The following UBASH3A variants were observed in gnomAD, a reference collection of about 807,000 sequenced individuals.
UBASH3A encodes the protein ubiquitin associated and SH3 domain containing A, also known as ubiquitin-associated and SH3 domain-containing protein A.
UBASH3A carries 63 observed loss-of-function variants against 73.5 expected under a neutral mutation model. The observed-to-expected ratio is 0.86, with a 90% confidence interval of 0.70 to 1.06. The LOEUF (loss-of-function observed/expected upper bound fraction) is 1.06. Ranked by LOEUF, UBASH3A falls within the 50% of genes least tolerant of loss-of-function variation. UBASH3A has a pLI of 0.00. For synonymous variants in UBASH3A, 363 were observed against 351.1 expected, an observed-to-expected ratio of 1.03 and a Z score of -0.38; for missense variants, 860 against 859.0, an observed-to-expected ratio of 1.00 and a Z score of -0.02.
chr21:42,440,671 G>T (rs564651129), intron 11 of UBASH3A, among the ~76,000 whole-genome samples: 1 of 152,224 alleles, frequency 6.6e-6, no homozygotes, highest in East Asian at 1.9e-4. Context: ...TCCCCAGGTC[G>T]CCTGTGCCTG....
intron 11 of UBASH3A, among the ~76,000 whole-genome samples, chr21:42,439,156 CTCA>C (rs1316802807): frequency 6.6e-6 from 1 of 152,210 alleles, no homozygotes; most frequent in Non-Finnish European, 1.5e-5. Flanking sequence ...GCCTCTCAGG[CTCA>C]TCATTCCTGT....
intron 7 of UBASH3A, among the ~76,000 whole-genome samples, chr21:42,422,588 A>G (rs1422034396): frequency 2.0e-5 from 3 of 152,260 alleles, no homozygotes; most frequent in South Asian, 2.1e-4. Flanking sequence ...TCAACTGCCT[A>G]TAGAAGAGAT....
In UBASH3A at chr21:42,416,536, A is replaced by T; in HGVS notation, c.762A>T (p.Arg254Ser). Residue 254 changes from arginine to serine, a missense_variant, in exon 6 of 15, where the codon AGA becomes AGT. Physicochemically the swap from Arg to Ser is moderately radical, Grantham distance 110. Transcript: ENST00000319294. ...HHQRTLEQLA[R>S]AIPLGHSCQW... ...AGAGGACGCTGGAGCAGCTGGCCAG[A>T]GCCATCCCCCTGGGCCACAGCTGCC... 1 of 1,611,152 alleles carries T rather than the reference A, an allele frequency of 6.2e-7. No individual in the cohort carries two copies. Among genetic ancestry groups the T allele is most frequent in the Non-Finnish European group, 8.5e-7 (1 of 1,178,866 alleles).
chr21:42,432,175 T>A lies in UBASH3A; in HGVS notation c.1243T>A (p.Trp415Arg), dbSNP rs368894024. The A allele has an allele frequency of 8.7e-6, 14 of 1,613,286 alleles. No homozygotes were observed. The highest frequency in any genetic ancestry group is 1.2e-5 in the Non-Finnish European group (14 of 1,179,672). The part of the protein sequence containing the change: ...ERVDQIFGKA[W>R]LQQCSTPDGK... ...AGTGGATCAGATCTTCGGGAAGGCA[T>A]GGCTGCAGCAATGCTCCACTCCTGA... is the stretch of plus-strand genomic sequence containing the variant. Residue 415 changes from tryptophan to arginine, a missense_variant, in exon 9 of 15, where the codon TGG (tryptophan) becomes AGG (arginine). Physicochemically the swap from Trp to Arg is moderately radical, Grantham distance 101. Coordinates refer to ENST00000319294, the MANE Select transcript of UBASH3A (RefSeq NM_018961.4).
intron 7 of UBASH3A, among the ~76,000 whole-genome samples, chr21:42,426,075 G>A (rs1033136816): frequency 3.3e-5 from 5 of 152,168 alleles, no homozygotes; most frequent in African/African-American, 1.2e-4. Context: ...GGGCAGGCTG[G>A]CAGATGGGAG....
intron 11 of UBASH3A, among the ~76,000 whole-genome samples, chr21:42,439,217 C>A (rs896239169): frequency 7.2e-5 from 11 of 152,130 alleles, no homozygotes; most frequent in Non-Finnish European, 1.5e-4. Flanking sequence ...CCTAGTTTCA[C>A]GAGGCACAGA....
At chr21:42,418,312 G>A (rs1017913549) in intron 6 of UBASH3A, 89 bp from the exon 7 acceptor site, 3 of 1,132,332 alleles carry the variant, frequency 2.6e-6, no homozygotes, top group Non-Finnish European at 4.0e-6. Flanking sequence ...GCAGAAAGCA[G>A]GAGGTGGCAG....
At chr21:42,445,382 T>C (rs1601609445) in intron 14 of UBASH3A, among the ~76,000 whole-genome samples, 1 of 152,362 alleles carries the variant, frequency 6.6e-6, no homozygotes, top group South Asian at 2.1e-4. Flanking sequence ...AGACAATGCC[T>C]GTCATCGGAG....
At chr21:42,440,806 C>T (rs999875788) in intron 11 of UBASH3A, among the ~76,000 whole-genome samples, 1 of 152,172 alleles carries the variant, frequency 6.6e-6, no homozygotes, top group Non-Finnish European at 1.5e-5. Context: ...ATAACAACAA[C>T]GAATAAAAAA....
chr21:42,420,701 C>T (rs575301264), intron 7 of UBASH3A, among the ~76,000 whole-genome samples: 9 of 152,226 alleles, frequency 5.9e-5, no homozygotes, highest in Admixed American at 2.6e-4. Context: ...AAGGACCACC[C>T]GGGTGATGGG....
At chr21:42,446,663 T>C (rs1460843316) in intron 14 of UBASH3A, among the ~76,000 whole-genome samples, 1 of 152,240 alleles carries the variant, frequency 6.6e-6, no homozygotes, top group East Asian at 1.9e-4. Context: ...CTGTGTCTTT[T>C]TGTGATGCTG....
intron 7 of UBASH3A, among the ~76,000 whole-genome samples, chr21:42,421,824 G>A (rs2053343589): frequency 1.3e-5 from 2 of 152,104 alleles, no homozygotes; most frequent in African/African-American, 2.4e-5. Flanking sequence ...ATAAATGATT[G>A]CATATTGGTC....
intron 7 of UBASH3A, among the ~76,000 whole-genome samples, chr21:42,419,773 C>CA (rs1358793175): frequency 5.3e-5 from 8 of 152,222 alleles, no homozygotes; most frequent in African/African-American, 1.9e-4. Flanking sequence ...AACTGTACTT[C>CA]AAGTGCCCAT....
rs143591929 is a variant in UBASH3A, at chr21:42,411,998, G to C, written c.355-1026G>C. Among the ~76,000 whole-genome samples, 250 of 152,296 alleles carry C rather than the reference G, an allele frequency of 1.6e-3. 1 individual carries two copies. The highest frequency in any genetic ancestry group is 3.7e-3 in the Admixed American group (56 of 15,304). On this transcript the variant is annotated intron_variant, in intron 3 of 14. Coordinates refer to ENST00000319294, the MANE Select transcript of UBASH3A (RefSeq NM_018961.4). ...CACTGTGATCTGGCCTCATACTTGG[G>C]CTTGTAAGAAGCACTGTGGGAAATT...
chr21:42,414,882 C>G, intron 5 of UBASH3A, among the ~76,000 whole-genome samples: 1 of 152,224 alleles, frequency 6.6e-6, no homozygotes. Flanking sequence ...GGGACCTGAA[C>G]CCACCTCTGT....
rs192078227 is a variant in UBASH3A at position 42,445,137 on chromosome 21, A to G, written c.1848+494A>G. Among the ~76,000 whole-genome samples, 75 of 152,314 alleles carry G rather than the reference A, an allele frequency of 4.9e-4. 1 individual carries two copies. In the Middle Eastern group the frequency reaches 0.014, roughly 28 times the overall value. ...CTCTGGCAAGGGCCTTGTGAATGAC[A>G]AACAGAGGATAACGCACACGTGACA... On this transcript the variant is annotated intron_variant, in intron 14 of 14. Transcript: ENST00000319294.
intron 3 of UBASH3A, among the ~76,000 whole-genome samples, chr21:42,411,444 A>G (rs2053093721): frequency 6.6e-6 from 1 of 151,620 alleles, no homozygotes; most frequent in Non-Finnish European, 1.5e-5. Context: ...ACACATACAG[A>G]CACACACATA....
chr21:42,420,637 T>C (rs8132457), intron 7 of UBASH3A, among the ~76,000 whole-genome samples: 2,619 of 152,258 alleles, frequency 0.017, 79 homozygotes, highest in African/African-American at 0.059. Context: ...GGAGCCTACT[T>C]AGGCTGAAAA....
chr21:42,410,896 C>A (rs111433805), intron 3 of UBASH3A, among the ~76,000 whole-genome samples: 6,988 of 151,884 alleles, frequency 0.046, 281 homozygotes, highest in East Asian at 0.15. Context: ...TACATGCATA[C>A]AGACATACAT....
Sources: gnomAD v4.1 joint callset for allele counts (sites outside exome capture counted in the v4.1 genomes callset) on GRCh38, gnomAD v4.1.1 for gene constraint, MANE v1.5 for transcripts, NCBI Gene and HGNC (gene_info 2026-07-23, HGNC 2026-07-21) for gene names.